UPF2: variants seen among roughly 807,000 people sequenced by gnomAD.
The protein encoded by UPF2 is UPF2 regulator of nonsense mediated mRNA decay, also known as regulator of nonsense transcripts 2.
Under a neutral mutation model 141.4 loss-of-function variants are expected in UPF2, and 17 were observed. That is an observed-to-expected ratio of 0.12 (90% confidence interval 0.08 to 0.18). The LOEUF (loss-of-function observed/expected upper bound fraction) is 0.18, where lower values mean the gene tolerates loss of function less well. Ranked by LOEUF, UPF2 falls within the 10% of genes least tolerant of loss-of-function variation. The pLI, the probability that UPF2 is intolerant of heterozygous loss-of-function variation, is 1.00. For synonymous variants in UPF2, 540 were observed against 498.0 expected, an observed-to-expected ratio of 1.08 and a Z score of -1.12; for missense variants, 1,152 against 1,515.9, an observed-to-expected ratio of 0.76 and a Z score of 3.99.
intron 7 of UPF2, among the ~76,000 whole-genome samples, chr10:11,999,112 G>A (rs1833911668): frequency 6.6e-6 from 1 of 151,928 alleles, no homozygotes; most frequent in African/African-American, 2.4e-5. Flanking sequence ...CAAATGCATG[G>A]TGAAAATATA....
At chr10:11,967,741 G>T (rs941674884) in intron 9 of UPF2, among the ~76,000 whole-genome samples, 1 of 151,876 alleles carries the variant, frequency 6.6e-6, no homozygotes, top group African/African-American at 2.4e-5. Flanking sequence ...TTTTAGTAGA[G>T]AAGGGGTTTC....
At chr10:12,035,029 C>T (rs745937561) in intron 2 of UPF2, 30 bp downstream of exon 2, 3 of 1,526,064 alleles carry the variant, frequency 2.0e-6, no homozygotes, top group Non-Finnish European at 2.6e-6. Flanking sequence ...CCCATTCCCT[C>T]ACATCAATAA....
chr10:12,018,821 A>C (rs1179562355), intron 3 of UPF2, among the ~76,000 whole-genome samples: 1 of 152,224 alleles, frequency 6.6e-6, no homozygotes. Context: ...AACATGTTTA[A>C]ATGTAGGTAC....
At chr10:11,957,488 A>C (rs1328213372) in intron 12 of UPF2, among the ~76,000 whole-genome samples, 1 of 151,972 alleles carries the variant, frequency 6.6e-6, no homozygotes, top group East Asian at 2.0e-4. Flanking sequence ...TCTTTGGTGC[A>C]TAATTTGACA....
Position 11,936,519 on chromosome 10 carries a change from T to C in UPF2, c.3546+26A>G, listed in dbSNP as rs760421354. On this transcript the variant is annotated intron_variant, in intron 19 of 21. Coordinates refer to ENST00000357604, the MANE Select transcript of UPF2 (RefSeq NM_015542.4). This position sits in a 1 kb window ranked among gnomAD's most constrained non-coding sequence, Gnocchi z 6.6. ...TAACTGTATAACTCACAATCAGCTA[T>C]AATTACAGGGCGGGCAGTTTCTTAC... 8.9e-6 allele frequency: 14 copies of C among 1,571,220 alleles called. No homozygotes were observed. In the Admixed American group the frequency reaches 1.9e-4, roughly 21 times the overall value.
chr10:11,975,742 C>A (rs1833496598), intron 9 of UPF2, among the ~76,000 whole-genome samples: 1 of 151,974 alleles, frequency 6.6e-6, no homozygotes, highest in African/African-American at 2.4e-5. Context: ...GTCTCGAACT[C>A]CCAACCTCCG....
chr10:12,029,521 T>C lies in UPF2; in HGVS notation c.369A>G (p.Glu123=). 1 of 1,577,088 alleles carries C rather than the reference T, an allele frequency of 6.3e-7. No homozygotes were observed. Among genetic ancestry groups the C allele is most frequent in the South Asian group, 1.2e-5 (1 of 84,108 alleles). The change falls in exon 3 of 22, where the codon GAA becomes GAG. Residue 123 remains glutamate (E), a synonymous_variant. Coordinates refer to ENST00000357604, the MANE Select transcript of UPF2 (RefSeq NM_015542.4). The part of the protein sequence containing the change: ...QEEEAAAQMK[E]KEESIQLHQE... ...GATGAAGCTGAATGGATTCTTCTTT[T>C]TCTCTATATAAAAACAAACAAATAA...
At chr10:12,015,519 T>C (rs1834202515) in intron 3 of UPF2, among the ~76,000 whole-genome samples, 1 of 152,152 alleles carries the variant, frequency 6.6e-6, no homozygotes, top group South Asian at 2.1e-4. Flanking sequence ...CTGGTCAACA[T>C]GGCAAAACCT....
At chr10:11,950,843 G>A (rs1261248930) in intron 15 of UPF2, among the ~76,000 whole-genome samples, 1 of 152,166 alleles carries the variant, frequency 6.6e-6, no homozygotes, top group East Asian at 1.9e-4. Flanking sequence ...TGCCTTTACG[G>A]GTTAAGTTGT....
chr10:11,955,834 G>C lies in UPF2; in HGVS notation c.2575-327C>G, dbSNP rs527557411. Among the ~76,000 whole-genome samples the C allele has an allele frequency of 5.3e-5, 8 of 152,194 alleles. No individual in the cohort carries two copies. In the East Asian group the frequency reaches 1.5e-3, roughly 29 times the overall value. ...AGTGAATTAAGGAAACAATAAATCT[G>C]GGTTTTACAGTAAGAGGAAACTGTT... On this transcript the variant is annotated intron_variant, in intron 13 of 21. Transcript: ENST00000357604.
At chr10:12,018,675 C>A (rs1834266701) in intron 3 of UPF2, among the ~76,000 whole-genome samples, 1 of 152,046 alleles carries the variant, frequency 6.6e-6, no homozygotes, top group Non-Finnish European at 1.5e-5. Context: ...TCACCTGAAC[C>A]CAGGAGGTCG....
In UPF2 at chr10:11,924,880, C is replaced by T. The variant is rs139081985; in HGVS notation, c.3810-3573G>A. On this transcript the variant is annotated intron_variant, in intron 21 of 21. Transcript: ENST00000357604. ...TGTTGCCCAGGCTGGAGTGCAATGG[C>T]GCAATCTTGGCTCACTGCAACCTCA... Among the ~76,000 whole-genome samples, 702 of 152,138 alleles carry T rather than the reference C, an allele frequency of 4.6e-3. 17 individuals carry two copies. Among genetic ancestry groups the T allele is most frequent in the East Asian group, 9.3e-3 (48 of 5,178 alleles).
intron 1 of UPF2, among the ~76,000 whole-genome samples, chr10:12,039,225 G>C (rs1834691261): frequency 1.3e-5 from 2 of 152,008 alleles, no homozygotes; most frequent in Admixed American, 1.3e-4. Context: ...ACTTGACCAA[G>C]GCCTGCACAG....
intron 4 of UPF2, among the ~76,000 whole-genome samples, chr10:12,006,204 G>A (rs1333483534): frequency 6.6e-6 from 1 of 152,198 alleles, no homozygotes; most frequent in African/African-American, 2.4e-5. Context: ...TGCCATAAAT[G>A]TCAGTCAATT....
At chr10:12,002,579 A>G (rs1833971248) in intron 5 of UPF2, among the ~76,000 whole-genome samples, 1 of 152,214 alleles carries the variant, frequency 6.6e-6, no homozygotes, top group Non-Finnish European at 1.5e-5. Flanking sequence ...TATAAAATCA[A>G]TTAGAAAGTC....
At chr10:11,990,628 C>G (rs1387743379) in intron 8 of UPF2, among the ~76,000 whole-genome samples, 2 of 144,694 alleles carry the variant, frequency 1.4e-5, no homozygotes, top group African/African-American at 2.5e-5. Context: ...TGCAGTGAGC[C>G]GAGATCATGC....
chr10:12,007,626 C>T (rs1834055610), intron 4 of UPF2, among the ~76,000 whole-genome samples: 1 of 151,632 alleles, frequency 6.6e-6, no homozygotes, highest in Non-Finnish European at 1.5e-5. Flanking sequence ...GTCAGGAGAT[C>T]GAGACTATCC....
At chr10:11,971,652 G>A (rs985255464) in intron 9 of UPF2, among the ~76,000 whole-genome samples, 1 of 152,140 alleles carries the variant, frequency 6.6e-6, no homozygotes, top group Non-Finnish European at 1.5e-5. Flanking sequence ...GCTCAATAAT[G>A]CCTCTTGTAA....
intron 14 of UPF2, among the ~76,000 whole-genome samples, chr10:11,952,543 C>G (rs192153611): frequency 1.4e-5 from 2 of 141,286 alleles, no homozygotes; most frequent in Non-Finnish European, 3.0e-5. Context: ...GGCGCCATCT[C>G]AGCTCACTGC....
Sources: gnomAD v4.1 joint callset for allele counts (sites outside exome capture counted in the v4.1 genomes callset) on GRCh38, gnomAD v4.1.1 for gene constraint, Gnocchi (gnomAD v3.1) non-coding constraint, MANE v1.5 for transcripts, NCBI Gene and HGNC (gene_info 2026-07-23, HGNC 2026-07-21) for gene names.